Variants in ARHGAP10 observed in about 807,000 individuals in gnomAD.
ARHGAP10 encodes Rho GTPase activating protein 10, also known as rho GTPase-activating protein 10.
In ARHGAP10, 87 loss-of-function variants were observed where a neutral mutation model predicts 108.6. That is an observed-to-expected ratio of 0.80 (90% CI 0.67 to 0.96). The LOEUF is 0.96. Ranked by LOEUF, ARHGAP10 falls within the 40% of genes least tolerant of loss-of-function variation. The probability of loss-of-function intolerance (pLI) is 0.00; values close to 1 mark genes in which losing one functional copy is unlikely to be tolerated. For synonymous variants in ARHGAP10, 347 were observed against 341.1 expected (o/e 1.02, Z -0.19); for missense variants, 939 against 954.5 (o/e 0.98, Z 0.21).
chr4:147,935,214 C>T lies in ARHGAP10; in HGVS notation c.1229-4611C>T, dbSNP rs28565935. ...CCCTGTAGGAAGATGAGGTGAGGCC[C>T]GTCATGGATGTGTGCGTGTGTGTGC... On this transcript the variant is annotated intron_variant, in intron 13 of 22. Coordinates refer to ENST00000336498, the MANE Select transcript of ARHGAP10 (RefSeq NM_024605.4). Among the ~76,000 whole-genome samples the T allele has an allele frequency of 7.0e-3, 1,072 of 152,124 alleles. 18 individuals are homozygous for T. The highest frequency in any genetic ancestry group is 0.025 in the African/African-American group (1,022 of 41,484).
chr4:147,754,751 C>T (rs549677873), intron 1 of ARHGAP10, among the ~76,000 whole-genome samples: 13 of 152,064 alleles, frequency 8.5e-5, no homozygotes, highest in African/African-American at 3.1e-4. Flanking sequence ...GATTTTGCTA[C>T]ATAAGTTGTA....
At chr4:147,944,504 A>G (rs748351175) in intron 14 of ARHGAP10, among the ~76,000 whole-genome samples, 7 of 152,204 alleles carry the variant, frequency 4.6e-5, no homozygotes, top group Admixed American at 6.5e-5. Flanking sequence ...TTTCAGCCCA[A>G]CATTGAGTTG....
At chr4:147,754,579 A>G in intron 1 of ARHGAP10, among the ~76,000 whole-genome samples, 1 of 152,122 alleles carries the variant, frequency 6.6e-6, no homozygotes. Context: ...TCTTTCCTTG[A>G]TGATAGTTTA....
At chr4:147,873,891 G>GGT (rs1272543288) in intron 7 of ARHGAP10, among the ~76,000 whole-genome samples, 1 of 151,220 alleles carries the variant, frequency 6.6e-6, no homozygotes, top group Non-Finnish European at 1.5e-5. Flanking sequence ...AAAAAAAAAG[G>GGT]GGGGATAAGA....
At chr4:147,889,413 C>T (rs1377511263) in intron 10 of ARHGAP10, among the ~76,000 whole-genome samples, 1 of 152,144 alleles carries the variant, frequency 6.6e-6, no homozygotes, top group Non-Finnish European at 1.5e-5. Flanking sequence ...GATTCTTCTG[C>T]CTCAGCCTCC....
intron 1 of ARHGAP10, among the ~76,000 whole-genome samples, chr4:147,796,677 C>T (rs1295293389): frequency 2.0e-5 from 3 of 152,272 alleles, no homozygotes; most frequent in Non-Finnish European, 4.4e-5. Context: ...AGGCGCCTGC[C>T]ACCATGCCCG....
At chr4:147,764,920 T>A (rs909406830) in intron 1 of ARHGAP10, among the ~76,000 whole-genome samples, 2 of 152,236 alleles carry the variant, frequency 1.3e-5, no homozygotes, top group Non-Finnish European at 2.9e-5. Flanking sequence ...TGAGAGTGTT[T>A]TTAAAAGTAA....
intron 10 of ARHGAP10, among the ~76,000 whole-genome samples, chr4:147,899,585 A>T (rs1736146544): frequency 6.6e-6 from 1 of 152,072 alleles, no homozygotes; most frequent in African/African-American, 2.4e-5. Flanking sequence ...ATTCACTTTC[A>T]TTGGAACATA....
chr4:147,772,586 G>T (rs1436642241), intron 1 of ARHGAP10, among the ~76,000 whole-genome samples: 1 of 152,246 alleles, frequency 6.6e-6, no homozygotes, highest in Admixed American at 6.5e-5. Context: ...TCTCTTGAAT[G>T]TTTGACAAGG....
intron 10 of ARHGAP10, among the ~76,000 whole-genome samples, chr4:147,902,231 G>A (rs891680150): frequency 6.6e-5 from 10 of 152,076 alleles, no homozygotes; most frequent in Admixed American, 6.5e-4. Flanking sequence ...CTTCTAATAT[G>A]TTTTTGCATT....
At chr4:147,894,523 T>C (rs1735913398) in intron 10 of ARHGAP10, among the ~76,000 whole-genome samples, 1 of 152,228 alleles carries the variant, frequency 6.6e-6, no homozygotes, top group South Asian at 2.1e-4. Flanking sequence ...CTTCAGTGTC[T>C]TTTGATGAGA....
intron 18 of ARHGAP10, 119 bp from the exon 19 acceptor site, chr4:148,023,144 T>C (rs776827540): frequency 9.4e-5 from 104 of 1,110,390 alleles, no homozygotes; most frequent in Admixed American, 6.2e-4. Flanking sequence ...GAATGGATTT[T>C]GGGCTCTAGC....
chr4:147,959,940 A>G (rs567098525), intron 16 of ARHGAP10, among the ~76,000 whole-genome samples: 1 of 152,316 alleles, frequency 6.6e-6, no homozygotes, highest in South Asian at 2.1e-4. Context: ...ACAAGTTAGT[A>G]GGTTTTTAGT....
At chr4:148,010,347 T>C (rs1458204884) in intron 18 of ARHGAP10, among the ~76,000 whole-genome samples, 1 of 152,184 alleles carries the variant, frequency 6.6e-6, no homozygotes, top group African/African-American at 2.4e-5. Flanking sequence ...CTTGTGTCCT[T>C]TTATTAGTAA....
intron 4 of ARHGAP10, among the ~76,000 whole-genome samples, chr4:147,857,110 C>T (rs6846526): frequency 0.7 from 105,863 of 152,142 alleles, 43,241 homozygotes; most frequent in Non-Finnish European, 0.89. Context: ...TCTTGGCCTC[C>T]CAAAGTGCTG....
chr4:147,944,594 G>A (rs1379747797), intron 14 of ARHGAP10, among the ~76,000 whole-genome samples: 2 of 152,046 alleles, frequency 1.3e-5, no homozygotes, highest in Admixed American at 1.3e-4. Flanking sequence ...ATTTTGACAG[G>A]TTTTTCTTTT....
At chr4:147,823,027 G>T in intron 3 of ARHGAP10, 70 bp downstream of exon 3, 1 of 1,447,756 alleles carries the variant, frequency 6.9e-7, no homozygotes, top group Non-Finnish European at 9.7e-7. Flanking sequence ...TTGGAAGCTT[G>T]TTCTGGTAGA....
chr4:147,846,279 A>G (rs981994669), intron 3 of ARHGAP10, among the ~76,000 whole-genome samples: 1 of 151,944 alleles, frequency 6.6e-6, no homozygotes, highest in African/African-American at 2.4e-5. Context: ...CAAATCACTT[A>G]TTTTTTCTGT....
Position 147,946,612 on chromosome 4 carries a change from A to T in ARHGAP10, c.1304-5A>T. On this transcript the variant is annotated splice_region_variant and splice_polypyrimidine_tract_variant and intron_variant, in intron 14 of 22. Coordinates refer to ENST00000336498, the MANE Select transcript of ARHGAP10 (RefSeq NM_024605.4). Reference sequence around the variant, plus strand: ...TTATTTTTTTCTTGTTTGCTTGCTCACTAGATGTAAAAACATGCAATGAGG... The same window carrying T: ...TTATTTTTTTCTTGTTTGCTTGCTCTCTAGATGTAAAAACATGCAATGAGG... 2 of 1,611,142 alleles carry T rather than the reference A, an allele frequency of 1.2e-6. No individual in the cohort carries two copies.
Sources: gnomAD v4.1 joint callset for allele counts (sites outside exome capture counted in the v4.1 genomes callset) on GRCh38, gnomAD v4.1.1 for gene constraint, MANE v1.5 for transcripts, NCBI Gene and HGNC (gene_info 2026-07-23, HGNC 2026-07-21) for gene names.